TMEM192: variants seen among roughly 807,000 people sequenced by gnomAD.
TMEM192 encodes transmembrane protein 192.
In TMEM192, 20 loss-of-function variants were observed where a neutral mutation model predicts 26.7. The observed-to-expected ratio is 0.75, with a 90% CI of 0.53 to 1.09. The LOEUF is 1.09. Ranked by LOEUF, TMEM192 falls within the 50% of genes least tolerant of loss-of-function variation. The probability of loss-of-function intolerance (pLI) is 0.00; values close to 1 mark genes in which losing one functional copy is unlikely to be tolerated. For missense variants in TMEM192, 304 were observed against 322.6 expected, an observed-to-expected ratio of 0.94 and a Z score of 0.44; for synonymous variants, 124 against 121.0, an observed-to-expected ratio of 1.02 and a Z score of -0.16.
intron 2 of TMEM192, 123 bp from the exon 3 acceptor site, chr4:165,101,015 C>T (rs560780025): frequency 9.2e-6 from 10 of 1,091,060 alleles, no homozygotes; most frequent in African/African-American, 3.6e-5. Context: ...CTCACTCTGT[C>T]GCCCAGGCTG....
At chr4:165,097,075 C>T (rs1363319082) in intron 3 of TMEM192, among the ~76,000 whole-genome samples, 1 of 152,122 alleles carries the variant, frequency 6.6e-6, no homozygotes, top group Non-Finnish European at 1.5e-5. Context: ...GCAATAAATG[C>T]TTCCCCTTCA....
Position 165,091,191 on chromosome 4 carries a change from C to T in TMEM192, c.440-2589G>A, listed in dbSNP as rs183194320. ...CTGAGGCAGGAGAATGGCCTGAAAC[C>T]CGGGAGGCGGAGCTTGCAGTGAGCT... On this transcript the variant is annotated intron_variant, in intron 3 of 5. Coordinates refer to ENST00000306480, the MANE Select transcript of TMEM192 (RefSeq NM_001100389.2). Among the ~76,000 whole-genome samples, 1,273 of 152,094 alleles carry T rather than the reference C, an allele frequency of 8.4e-3. 20 individuals are homozygous for T. Among genetic ancestry groups the T allele is most frequent in the African/African-American group, 0.028 (1,183 of 41,514 alleles).
chr4:165,082,217 G>A lies in TMEM192; in HGVS notation c.678-2421C>T, dbSNP rs1234133378. Among the ~76,000 whole-genome samples, 2 of 38,986 alleles carry A rather than the reference G, an allele frequency of 5.1e-5. 1 individual carries two copies. Among genetic ancestry groups the A allele is most frequent in the African/African-American group, 9.2e-5 (2 of 21,706 alleles). 25.6% of individuals were successfully genotyped at this position (38,986 alleles called of 152,430 possible). ...ACTCCTGACCTCAAGTGATCCACCC[G>A]CCTCAGCCTCCCAACGTGCTGGGAA... On this transcript the variant is annotated intron_variant, in intron 5 of 5. Coordinates refer to ENST00000306480, the MANE Select transcript of TMEM192 (RefSeq NM_001100389.2).
At chr4:165,097,322 G>A (rs1197743625) in intron 3 of TMEM192, among the ~76,000 whole-genome samples, 1 of 151,890 alleles carries the variant, frequency 6.6e-6, no homozygotes, top group Non-Finnish European at 1.5e-5. Context: ...GTGAAACCCC[G>A]TCTCTACTAA....
At position 165,102,962 on chromosome 4, in the gene TMEM192, C is replaced by G; in HGVS notation, c.162G>C (p.Leu54=). ...PLPTVIIVNL[L]WFIHLVFVVL... ...GCAGCCAACTTACATGAATAAACCA[C>G]AGAAGATTCACTATGATGACTGTAG... The change falls in exon 2 of 6, where the codon CTG becomes CTC. Residue 54 remains leucine, a synonymous_variant. Coordinates refer to ENST00000306480, the MANE Select transcript of TMEM192 (RefSeq NM_001100389.2). 1 of 1,611,664 alleles carries G rather than the reference C, an allele frequency of 6.2e-7. No individual in the cohort carries two copies. The highest frequency in any genetic ancestry group is 1.7e-5 in the Admixed American group (1 of 59,526).
chr4:165,111,423 T>A (rs550452052), intron 1 of TMEM192, among the ~76,000 whole-genome samples: 1 of 152,306 alleles, frequency 6.6e-6, no homozygotes, highest in Non-Finnish European at 1.5e-5. Context: ...GAAGCAGATT[T>A]CTAGTACTAT....
Position 165,100,845 on chromosome 4 carries a change from A to G in TMEM192, c.222T>C (p.Tyr74=). The G allele has an allele frequency of 6.2e-7, 1 of 1,614,148 alleles. No individual in the cohort carries two copies. The highest frequency in any genetic ancestry group is 8.5e-7 in the Non-Finnish European group (1 of 1,180,016). ...LAFLTGVLCS[Y]PNPNEDKCPG... ...GGCACTTGTCCTCATTTGGATTAGGATAAGAACAAAGCACACCTGTTAAAA... is the reference window on the plus strand; with the variant it reads ...GGCACTTGTCCTCATTTGGATTAGGGTAAGAACAAAGCACACCTGTTAAAA... Residue 74 remains tyrosine, a synonymous_variant, in exon 3 of 6, where the codon TAT becomes TAC. Transcript: ENST00000306480.
At chr4:165,099,528 A>T (rs1734990444) in intron 3 of TMEM192, among the ~76,000 whole-genome samples, 1 of 152,194 alleles carries the variant, frequency 6.6e-6, no homozygotes, top group South Asian at 2.1e-4. Flanking sequence ...GCCTTCATAA[A>T]TTAGGACCTG....
At chr4:165,097,189 G>A (rs1734927482) in intron 3 of TMEM192, among the ~76,000 whole-genome samples, 1 of 152,078 alleles carries the variant, frequency 6.6e-6, no homozygotes, top group Non-Finnish European at 1.5e-5. Context: ...CTTGCAGCAT[G>A]CCCTTTAAGA....
At position 165,075,232 on chromosome 4, in the gene TMEM192, T is replaced by G. The variant is rs545889113; in HGVS notation, c.*4426A>C. ...CCGTCTCTACTAGAAATACAATTTTTTTTCTTTTCTTTCTTTTTTTTTTTT... is the reference window on the plus strand; with the variant it reads ...CCGTCTCTACTAGAAATACAATTTTGTTTCTTTTCTTTCTTTTTTTTTTTT... On this transcript the variant is annotated 3_prime_UTR_variant, in exon 6 of 6. Coordinates refer to ENST00000306480, the MANE Select transcript of TMEM192 (RefSeq NM_001100389.2). The G allele has an allele frequency of 2.7e-5, 4 of 147,492 alleles. No individual in the cohort carries two copies. The highest frequency in any genetic ancestry group is 9.8e-5 in the African/African-American group (4 of 40,916). 9.1% of individuals were successfully genotyped at this position (147,492 alleles called of 1,614,324 possible).
chr4:165,091,202 A>C (rs1734754858), intron 3 of TMEM192, among the ~76,000 whole-genome samples: 1 of 152,058 alleles, frequency 6.6e-6, no homozygotes, highest in Admixed American at 6.6e-5. Context: ...CGGGAGGCGG[A>C]GCTTGCAGTG....
chr4:165,096,496 C>T (rs964863043), intron 3 of TMEM192, among the ~76,000 whole-genome samples: 1 of 151,882 alleles, frequency 6.6e-6, no homozygotes, highest in Non-Finnish European at 1.5e-5. Context: ...AAGCAAAGCC[C>T]TTTCTCCCAT....
chr4:165,100,012 C>T (rs1187132390), intron 3 of TMEM192, among the ~76,000 whole-genome samples: 2 of 152,060 alleles, frequency 1.3e-5, no homozygotes, highest in African/African-American at 2.4e-5. Context: ...CAAATAGCAA[C>T]AGCATTTCTA....
Position 165,079,649 on chromosome 4 carries a change from G to T in TMEM192, c.*9C>A. 6 of 1,604,682 alleles carry T rather than the reference G, an allele frequency of 3.7e-6. No individual in the cohort carries two copies. The highest frequency in any genetic ancestry group is 5.1e-6 in the Non-Finnish European group (6 of 1,174,908). ...TTCCTCTGCAATTGCTGTCATGACC[G>T]TGAGCCTCTCACGTTCTACTTGGCT... On this transcript the variant is annotated 3_prime_UTR_variant, in exon 6 of 6. Coordinates refer to ENST00000306480, the MANE Select transcript of TMEM192 (RefSeq NM_001100389.2).
chr4:165,091,528 T>C (rs1257946069), intron 3 of TMEM192, among the ~76,000 whole-genome samples: 1 of 152,150 alleles, frequency 6.6e-6, no homozygotes, highest in Non-Finnish European at 1.5e-5. Context: ...GTGTTCTATG[T>C]AGGAACGTAG....
chr4:165,103,473 T>C (rs1227102396), intron 1 of TMEM192, among the ~76,000 whole-genome samples: 9 of 149,322 alleles, frequency 6.0e-5, no homozygotes, highest in Admixed American at 1.3e-4. Flanking sequence ...GCCTCCTGAG[T>C]AGCTGGGACT....
chr4:165,105,840 T>C (rs1735148110), intron 1 of TMEM192, among the ~76,000 whole-genome samples: 1 of 152,186 alleles, frequency 6.6e-6, no homozygotes, highest in Non-Finnish European at 1.5e-5. Flanking sequence ...ATGGTCTAAA[T>C]GTTGGTGTCC....
At chr4:165,079,865 GTACC>G in intron 5 of TMEM192, 69 bp from the exon 6 acceptor site, 1 of 1,446,546 alleles carries the variant, frequency 6.9e-7, no homozygotes, top group African/African-American at 1.4e-5. Context: ...TTGCAAATGA[GTACC>G]TACTAGTTTT....
chr4:165,087,936 G>A (rs1031654915), intron 4 of TMEM192, among the ~76,000 whole-genome samples: 17 of 152,130 alleles, frequency 1.1e-4, no homozygotes, highest in African/African-American at 3.4e-4. Context: ...AGGAGACAGG[G>A]TCTTACTCTG....
Sources: gnomAD v4.1 joint callset for allele counts (sites outside exome capture counted in the v4.1 genomes callset) on GRCh38, gnomAD v4.1.1 for gene constraint, MANE v1.5 for transcripts, NCBI Gene and HGNC (gene_info 2026-07-23, HGNC 2026-07-21) for gene names.